The following SCCPDH variants were observed in gnomAD, a reference collection of about 807,000 sequenced individuals.
SCCPDH encodes saccharopine dehydrogenase-like oxidoreductase.
SCCPDH carries 34 observed loss-of-function variants against 51.5 expected under a neutral mutation model. The ratio of observed to expected loss-of-function variants is 0.66; its 90% confidence interval spans 0.50 to 0.88. The LOEUF is 0.88. Ranked by LOEUF, SCCPDH falls within the 40% of genes least tolerant of loss-of-function variation. The probability of loss-of-function intolerance (pLI) is 0.00; values close to 1 mark genes in which losing one functional copy is unlikely to be tolerated. For missense variants in SCCPDH, 464 were observed against 527.1 expected, an observed-to-expected ratio of 0.88 and a Z score of 1.17; for synonymous variants, 187 against 191.3, an observed-to-expected ratio of 0.98 and a Z score of 0.19.
intron 5 of SCCPDH, among the ~76,000 whole-genome samples, chr1:246,751,921 C>T (rs1316774974): frequency 2.7e-5 from 4 of 149,296 alleles, no homozygotes; most frequent in South Asian, 4.3e-4. Flanking sequence ...TACAGGCTCC[C>T]GCCACCACGC....
At chr1:246,741,409 T>G (rs1668674613) in intron 4 of SCCPDH, among the ~76,000 whole-genome samples, 1 of 152,172 alleles carries the variant, frequency 6.6e-6, no homozygotes, top group Admixed American at 6.5e-5. Flanking sequence ...CAGTGCTCCC[T>G]CCACAACCTC....
intron 5 of SCCPDH, among the ~76,000 whole-genome samples, chr1:246,744,816 G>C (rs1293180107): frequency 6.6e-6 from 1 of 151,484 alleles, no homozygotes; most frequent in Non-Finnish European, 1.5e-5. Flanking sequence ...AGTAGAGTTG[G>C]TATTTTGCCA....
chr1:246,738,819 C>T (rs1425257444), intron 3 of SCCPDH, among the ~76,000 whole-genome samples: 1 of 152,172 alleles, frequency 6.6e-6, no homozygotes, highest in Non-Finnish European at 1.5e-5. Flanking sequence ...CACCATCGCA[C>T]TCCAGCCCGG....
chr1:246,757,848 G>A (rs551816011), intron 5 of SCCPDH, among the ~76,000 whole-genome samples: 3 of 152,086 alleles, frequency 2.0e-5, no homozygotes, highest in African/African-American at 7.2e-5. Context: ...GTGTAGGATC[G>A]AGAGAGGATT....
intron 3 of SCCPDH, among the ~76,000 whole-genome samples, chr1:246,738,103 T>C (rs1174004256): frequency 6.6e-6 from 1 of 151,182 alleles, no homozygotes; most frequent in South Asian, 2.1e-4. Context: ...GGCTGAGGCA[T>C]GAGAATCACT....
intron 9 of SCCPDH, among the ~76,000 whole-genome samples, chr1:246,760,601 C>A (rs1031713228): frequency 6.6e-6 from 1 of 152,198 alleles, no homozygotes; most frequent in Non-Finnish European, 1.5e-5. Flanking sequence ...CCTCTGCCCC[C>A]AGTTTCACTT....
At chr1:246,751,544 G>T (rs1334952475) in intron 5 of SCCPDH, among the ~76,000 whole-genome samples, 1 of 152,032 alleles carries the variant, frequency 6.6e-6, no homozygotes, top group Non-Finnish European at 1.5e-5. Flanking sequence ...TACACACCTT[G>T]CACATAAACT....
At chr1:246,742,501 C>T (rs967995133) in intron 4 of SCCPDH, among the ~76,000 whole-genome samples, 9 of 152,172 alleles carry the variant, frequency 5.9e-5, no homozygotes, top group South Asian at 2.1e-4. Flanking sequence ...TTCTGCGGAT[C>T]GGGTTAGATC....
chr1:246,753,722 C>G (rs1279187465), intron 5 of SCCPDH, among the ~76,000 whole-genome samples: 1 of 151,886 alleles, frequency 6.6e-6, no homozygotes, highest in Non-Finnish European at 1.5e-5. Context: ...GTGGCTCTTT[C>G]TTCCCCCGAG....
At chr1:246,732,713 T>G (rs962063862) in intron 2 of SCCPDH, among the ~76,000 whole-genome samples, 5 of 152,182 alleles carry the variant, frequency 3.3e-5, no homozygotes, top group Admixed American at 2.0e-4. Context: ...ACCTGAGAAT[T>G]ATGTGGGGAG....
At chr1:246,727,704 C>G (rs1044818826) in intron 2 of SCCPDH, among the ~76,000 whole-genome samples, 2 of 152,130 alleles carry the variant, frequency 1.3e-5, no homozygotes, top group Non-Finnish European at 2.9e-5. Context: ...TTGCATGAAC[C>G]TTTTGAGGAG....
chr1:246,752,712 G>A (rs1668867479), intron 5 of SCCPDH, among the ~76,000 whole-genome samples: 1 of 152,012 alleles, frequency 6.6e-6, no homozygotes, highest in African/African-American at 2.4e-5. Flanking sequence ...TTTGTCTGCG[G>A]TGGGGAGCAA....
At chr1:246,745,283 T>G (rs1424971477) in intron 5 of SCCPDH, among the ~76,000 whole-genome samples, 1 of 152,254 alleles carries the variant, frequency 6.6e-6, no homozygotes, top group African/African-American at 2.4e-5. Flanking sequence ...CCTAACCCAG[T>G]TCTAGGTCTG....
chr1:246,747,370 A>G (rs1668777294), intron 5 of SCCPDH, among the ~76,000 whole-genome samples: 1 of 152,112 alleles, frequency 6.6e-6, no homozygotes, highest in Non-Finnish European at 1.5e-5. Flanking sequence ...AACCCAGAAA[A>G]TCTGAGACAG....
chr1:246,749,741 A>G (rs1459919472), intron 5 of SCCPDH, among the ~76,000 whole-genome samples: 1 of 152,252 alleles, frequency 6.6e-6, no homozygotes, highest in African/African-American at 2.4e-5. Context: ...CAAGATTCCC[A>G]GTTCATACTG....
intron 9 of SCCPDH, among the ~76,000 whole-genome samples, chr1:246,762,216 A>T (rs1410128207): frequency 6.6e-6 from 1 of 152,226 alleles, no homozygotes; most frequent in Non-Finnish European, 1.5e-5. Flanking sequence ...CAGAAGATTC[A>T]TATCCAGAAA....
chr1:246,761,479 C>T (rs1355986275), intron 9 of SCCPDH, among the ~76,000 whole-genome samples: 1 of 152,164 alleles, frequency 6.6e-6, no homozygotes, highest in East Asian at 1.9e-4. Flanking sequence ...TTTTGTGCAG[C>T]CATCACCACC....
chr1:246,767,298 T>C lies in SCCPDH; in HGVS notation c.1288T>C (p.Ter430GlnextTer14). ...TAGTGTTATTAGCAGCTCTGAAGTC[T>C]AAACACTGGAAGAATTAACTGAAGT... ...EFSVISSSEV[*>Q] The change falls in exon 12 of 12, where the codon TAA becomes CAA. Residue 430 changes from the stop codon to glutamine, a stop_lost. Coordinates refer to ENST00000366510, the MANE Select transcript of SCCPDH (RefSeq NM_016002.3). 1 of 1,565,164 alleles carries C rather than the reference T, an allele frequency of 6.4e-7. No homozygotes were observed. The highest frequency in any genetic ancestry group is 8.7e-7 in the Non-Finnish European group (1 of 1,148,392).
Position 246,765,337 on chromosome 1 carries a change from C to T in SCCPDH, c.1103-721C>T, listed in dbSNP as rs571380333. ...AGGCTGGGCTCAAGCAGTCCTCCTG[C>T]CTCAGCCTTCTAAAGGGTTGGGATT... On this transcript the variant is annotated intron_variant, in intron 10 of 11. Coordinates refer to ENST00000366510, the MANE Select transcript of SCCPDH (RefSeq NM_016002.3). 3.3e-5 allele frequency among the ~76,000 whole-genome samples: 5 copies of T among 152,314 alleles called. No individual in the cohort carries two copies. The East Asian group carries it at 9.7e-4, about 29-fold the overall frequency.
Sources: allele counts gnomAD v4.1 joint callset (sites outside exome capture counted in the v4.1 genomes callset), GRCh38; gene constraint gnomAD v4.1.1; transcripts MANE v1.5; gene names NCBI Gene and HGNC (gene_info 2026-07-23, HGNC 2026-07-21).